ZNF331: variants seen among roughly 807,000 people sequenced by gnomAD.
ZNF331 encodes zinc finger protein 331, also known as C2H2-like zinc finger protein rearranged in thyroid adenomas.
Under a neutral mutation model 7.0 loss-of-function variants are expected in ZNF331, and 2 were observed. That is an observed-to-expected ratio of 0.29 (90% CI 0.12 to 0.90). ZNF331 has a LOEUF of 0.90. Ranked by LOEUF, ZNF331 falls within the 40% of genes least tolerant of loss-of-function variation. ZNF331 has a pLI of 0.58. For synonymous variants in ZNF331, 196 were observed against 205.4 expected (o/e 0.95, Z 0.39); for missense variants, 432 against 587.7 (o/e 0.74, Z 2.74).
At chr19:53,556,036 A>C (rs1017398839) in intron 3 of ZNF331, 128 bp downstream of exon 3, 1 of 151,694 alleles carries the variant, frequency 6.6e-6, no homozygotes, top group Admixed American at 6.6e-5. Flanking sequence ...CAAGGTCTGG[A>C]GATCGAGACC....
In ZNF331 at chr19:53,580,177, G is replaced by C. The variant is rs1230650204; in HGVS notation, c.*2225G>C. The C allele has an allele frequency of 1.0e-5, 2 of 197,922 alleles. No homozygotes were observed. The highest frequency in any genetic ancestry group is 4.6e-5 in the African/African-American group (2 of 43,362). 12.3% of individuals were successfully genotyped at this position (197,922 alleles called of 1,614,324 possible). A position where few individuals can be genotyped will look rare whatever the true frequency, so the allele number is the denominator to read the frequency against. The stretch of plus-strand genomic sequence containing the variant: ...TAGCTTGATTTAATCCTTCCACATT[G>C]TATACATGTATCAGAACATCACATT... On this transcript the variant is annotated 3_prime_UTR_variant, in exon 6 of 6. Transcript: ENST00000449416.
In ZNF331 at chr19:53,571,447, G is replaced by A. The variant is rs546593209; in HGVS notation, c.10-157G>A. On this transcript the variant is annotated intron_variant, in intron 4 of 5. Coordinates refer to ENST00000449416, the MANE Select transcript of ZNF331 (RefSeq NM_001079906.2). The surrounding 1 kb of genome is among the most constrained non-coding windows in gnomAD (Gnocchi z 4.7). Reference sequence around the variant, plus strand: ...AGTGACATGCAGGCATTCTGCTTCCGTCACAGTTACAGTGATGTCCTTACC... The same window carrying A: ...AGTGACATGCAGGCATTCTGCTTCCATCACAGTTACAGTGATGTCCTTACC... Among the ~76,000 whole-genome samples the A allele has an allele frequency of 6.6e-6, 1 of 152,100 alleles. No individual in the cohort carries two copies. The highest frequency in any genetic ancestry group is 1.5e-5 in the Non-Finnish European group (1 of 68,018).
the ZNF331 span, among the ~76,000 whole-genome samples, chr19:53,510,846 TTTAA>T: frequency 6.6e-6 from 1 of 152,222 alleles, no homozygotes; most frequent in African/African-American, 2.4e-5. Flanking sequence ...AAATTTTCTA[TTTAA>T]TTCTTATATA....
upstream of ZNF331, among the ~76,000 whole-genome samples, chr19:53,518,660 T>C (rs1051225325): frequency 6.6e-6 from 1 of 152,196 alleles, no homozygotes; most frequent in Non-Finnish European, 1.5e-5. Context: ...TATATATAAA[T>C]GTTATAGATT....
chr19:53,544,218 C>T (rs894437036), intron 2 of ZNF331, among the ~76,000 whole-genome samples: 7 of 143,226 alleles, frequency 4.9e-5, no homozygotes, highest in Non-Finnish European at 7.5e-5. Context: ...AGCAAGACTC[C>T]GTCTCAAAAA....
At chr19:53,524,468 A>C (rs6509786) in intron 2 of ZNF331, among the ~76,000 whole-genome samples, 51,522 of 151,278 alleles carry the variant, frequency 0.34, 9,268 homozygotes, top group African/African-American at 0.49. Context: ...AACTGGTGTG[A>C]GATGGTATCT....
chr19:53,560,623 C>T lies in ZNF331; in HGVS notation c.-74+4715C>T, dbSNP rs1242780641. ...GGTCAGAAGTCTGAAGTGGGTCTCACCGGGCTAAAACCAGGTTGTTGGAGG... is the reference window on the plus strand; with the variant it reads ...GGTCAGAAGTCTGAAGTGGGTCTCATCGGGCTAAAACCAGGTTGTTGGAGG... On this transcript the variant is annotated intron_variant, in intron 3 of 5. Coordinates refer to ENST00000449416, the MANE Select transcript of ZNF331 (RefSeq NM_001079906.2). The surrounding 1 kb of genome is among the most constrained non-coding windows in gnomAD (Gnocchi z 4.3). Among the ~76,000 whole-genome samples, 1 of 152,140 alleles carries T rather than the reference C, an allele frequency of 6.6e-6. No individual in the cohort carries two copies. The highest frequency in any genetic ancestry group is 1.5e-5 in the Non-Finnish European group (1 of 68,032).
At chr19:53,537,889 C>T (rs2087836883), upstream of ZNF331, 6 of 152,174 alleles carry the variant, frequency 3.9e-5, no homozygotes, top group Admixed American at 3.9e-4. Context: ...TCTGCACATG[C>T]GTGTCGGCAT....
At chr19:53,516,647 A>G (rs956344946), upstream of ZNF331, among the ~76,000 whole-genome samples, 6 of 152,230 alleles carry the variant, frequency 3.9e-5, no homozygotes, top group African/African-American at 1.4e-4. Flanking sequence ...CCCTAAACCT[A>G]TGTCCAAGAG....
At chr19:53,524,267 G>A (rs979800228) in intron 2 of ZNF331, among the ~76,000 whole-genome samples, 1 of 152,096 alleles carries the variant, frequency 6.6e-6, no homozygotes, top group African/African-American at 2.4e-5. Flanking sequence ...ATAATCTTTT[G>A]GGTATATACC....
chr19:53,549,447 C>T (rs2088841835), intron 2 of ZNF331, among the ~76,000 whole-genome samples: 1 of 152,070 alleles, frequency 6.6e-6, no homozygotes, highest in Non-Finnish European at 1.5e-5. Flanking sequence ...GAGTTTGGAG[C>T]TAGGGTTTTT....
In ZNF331 at chr19:53,539,833, A is replaced by G. The variant is rs890368160; in HGVS notation, c.-138+551A>G. Among the ~76,000 whole-genome samples the G allele has an allele frequency of 1.3e-5, 2 of 152,210 alleles. No homozygotes were observed. The highest frequency in any genetic ancestry group is 4.8e-5 in the African/African-American group (2 of 41,448). ...TCGAAGGCTGTGTACCTTGACCACA[A>G]TTATTGTTCAGGATGGTGGAAATGG... On this transcript the variant is annotated intron_variant, in intron 2 of 5. Transcript: ENST00000449416. The surrounding 1 kb of genome is among the most constrained non-coding windows in gnomAD (Gnocchi z 6.1).
At chr19:53,548,508 C>T (rs767079616) in intron 2 of ZNF331, among the ~76,000 whole-genome samples, 2 of 152,188 alleles carry the variant, frequency 1.3e-5, no homozygotes, top group Non-Finnish European at 2.9e-5. Context: ...CCTCCCATCT[C>T]GGCCTTCCAA....
At chr19:53,507,089 T>C in the ZNF331 span, among the ~76,000 whole-genome samples, 3 of 152,144 alleles carry the variant, frequency 2.0e-5, no homozygotes, top group Non-Finnish European at 4.4e-5. Context: ...GGCAGGCTTA[T>C]TGAAAGTATG....
At chr19:53,520,191 G>A (rs1454706436), upstream of ZNF331, among the ~76,000 whole-genome samples, 3 of 151,340 alleles carry the variant, frequency 2.0e-5, no homozygotes, top group Non-Finnish European at 4.4e-5. Context: ...GGGATTACAG[G>A]CACACACCAC....
At chr19:53,524,878 T>C (rs575005056) in intron 2 of ZNF331, among the ~76,000 whole-genome samples, 9 of 152,338 alleles carry the variant, frequency 5.9e-5, no homozygotes, top group African/African-American at 1.9e-4. Context: ...GGTTTTCTTC[T>C]AGGGTTTTTA....
Position 53,579,149 on chromosome 19 carries a change from AT to A in ZNF331, c.*1200del, listed in dbSNP as rs1226118215. The A allele has an allele frequency of 4.9e-6, 1 of 203,010 alleles. No homozygotes were observed. Among genetic ancestry groups the A allele is most frequent in the East Asian group, 7.6e-5 (1 of 13,200 alleles). 12.6% of individuals were successfully genotyped at this position (203,010 alleles called of 1,614,324 possible). A position where few individuals can be genotyped will look rare whatever the true frequency, so the allele number is the denominator to read the frequency against. On this transcript the variant is annotated 3_prime_UTR_variant, in exon 6 of 6. Coordinates refer to ENST00000449416, the MANE Select transcript of ZNF331 (RefSeq NM_001079906.2). The stretch of plus-strand genomic sequence containing the variant: ...ATATCAGAAGTCATTCTAGAGGCAA[AT>A]TTGAAGAGTGGAAAAATCACTTTTT...
rs67741406 is a variant in ZNF331 at position 53,573,477 on chromosome 19, T to A, written c.136+1747T>A. 0.1 allele frequency among the ~76,000 whole-genome samples: 15,707 copies of A among 151,204 alleles called. 1,210 individuals are homozygous for A. Among genetic ancestry groups the A allele is most frequent in the African/African-American group, 0.22 (9,092 of 41,164 alleles). ...TATAGCATTTCTTTTTTTTTTTAAG[T>A]TGAGATTTTTTTCTTTTTTTCACTC... is the stretch of plus-strand genomic sequence containing the variant. On this transcript the variant is annotated intron_variant, in intron 5 of 5. Transcript: ENST00000449416. This position sits in a 1 kb window ranked among gnomAD's most constrained non-coding sequence, Gnocchi z 4.2.
chr19:53,551,250 T>C (rs1382574270), intron 2 of ZNF331, among the ~76,000 whole-genome samples: 1 of 152,236 alleles, frequency 6.6e-6, no homozygotes, highest in Non-Finnish European at 1.5e-5. Context: ...TCAAAATTAA[T>C]TACCCATAAT....
Sources: allele counts gnomAD v4.1 joint callset (sites outside exome capture counted in the v4.1 genomes callset), GRCh38; gene constraint gnomAD v4.1.1; non-coding constraint Gnocchi (gnomAD v3.1); transcripts MANE v1.5; gene names NCBI Gene and HGNC (gene_info 2026-07-23, HGNC 2026-07-21).